Variants in CLTB observed in about 807,000 individuals in gnomAD.
CLTB encodes the protein clathrin light chain B, also known as clathrin, light chain (Lcb).
Under a neutral mutation model 30.5 loss-of-function variants are expected in CLTB, and 10 were observed. The ratio of observed to expected loss-of-function variants is 0.33; its 90% CI spans 0.20 to 0.56. The LOEUF is 0.56. Among genes scored for constraint, CLTB ranks in the 20% least tolerant of loss-of-function variants. The pLI, the probability that CLTB is intolerant of heterozygous loss-of-function variation, is 0.91. For synonymous variants in CLTB, 102 were observed against 120.3 expected (o/e 0.85, Z 1.00); for missense variants, 261 against 308.3 (o/e 0.85, Z 1.15).
rs569354485 is a variant in CLTB, at chr5:176,414,964, C to G, written c.187+1213G>C. On this transcript the variant is annotated intron_variant, in intron 1 of 5. Coordinates refer to ENST00000310418, the MANE Select transcript of CLTB (RefSeq NM_007097.5). ...GAAGAGCCTTGTAAACATCATTAAC[C>G]AAAATATGTCTATATGTATATATGT... 7.2e-5 allele frequency among the ~76,000 whole-genome samples: 11 copies of G among 152,252 alleles called. No individual in the cohort carries two copies. In the South Asian group the frequency reaches 2.3e-3, roughly 32 times the overall value.
intron 5 of CLTB, among the ~76,000 whole-genome samples, chr5:176,394,764 G>A (rs1047216813): frequency 6.6e-6 from 1 of 151,940 alleles, no homozygotes; most frequent in Non-Finnish European, 1.5e-5. Flanking sequence ...GCAGTGAGCT[G>A]AGATCATGCC....
chr5:176,403,829 T>TG (rs2113656627), intron 2 of CLTB, among the ~76,000 whole-genome samples: 1 of 152,296 alleles, frequency 6.6e-6, no homozygotes, highest in Non-Finnish European at 1.5e-5. Flanking sequence ...GCGTGATCTC[T>TG]GCTCGCTGAA....
intron 5 of CLTB, among the ~76,000 whole-genome samples, chr5:176,396,028 G>T (rs373975853): frequency 6.6e-6 from 1 of 152,076 alleles, no homozygotes; most frequent in Non-Finnish European, 1.5e-5. Context: ...TCAGCTACTC[G>T]GGAGGCTGAG....
chr5:176,410,757 C>T (rs1026321323), intron 1 of CLTB, among the ~76,000 whole-genome samples: 5 of 117,786 alleles, frequency 4.2e-5, no homozygotes, highest in African/African-American at 1.1e-4. Flanking sequence ...GAGGGGCCTA[C>T]GCGTCTCTGC....
intron 2 of CLTB, among the ~76,000 whole-genome samples, chr5:176,407,111 G>A (rs1218949476): frequency 6.6e-6 from 1 of 152,130 alleles, no homozygotes; most frequent in Non-Finnish European, 1.5e-5. Flanking sequence ...TGGAAAGGAG[G>A]CCCCGGGCTC....
At position 176,396,920 on chromosome 5, in the gene CLTB, ACC is replaced by A. The variant is rs199705248; in HGVS notation, c.465-390_465-389del. ...TAATACATCACATTTTTTTCTTCGT[ACC>A]CAGGTCTAGAATGCCCCCCTACCTC... On this transcript the variant is annotated intron_variant, in intron 4 of 5. Coordinates refer to ENST00000310418, the MANE Select transcript of CLTB (RefSeq NM_007097.5). 4.1e-3 allele frequency among the ~76,000 whole-genome samples: 619 copies of A among 151,610 alleles called. 3 individuals carry two copies. The highest frequency in any genetic ancestry group is 0.014 in the African/African-American group (583 of 41,262).
In CLTB at chr5:176,397,910, C is replaced by T. The variant is rs748062085; in HGVS notation, c.352+20G>A. ...CACACACAGCCCACCCAGCCAACCC[C>T]GCCTCAGCCCCGCCCTCACCCAGCT... is the stretch of plus-strand genomic sequence containing the variant. On this transcript the variant is annotated intron_variant, in intron 3 of 5. Coordinates refer to ENST00000310418, the MANE Select transcript of CLTB (RefSeq NM_007097.5). 7.5e-6 allele frequency: 12 copies of T among 1,607,956 alleles called. No homozygotes were observed. Among genetic ancestry groups the T allele is most frequent in the Middle Eastern group, 1.7e-4 (1 of 6,056 alleles).
At chr5:176,397,802 G>T in intron 3 of CLTB, 84 bp from the exon 4 acceptor site, 2 of 1,511,604 alleles carry the variant, frequency 1.3e-6, no homozygotes, top group Non-Finnish European at 9.2e-7. Context: ...CCCCTGCCAG[G>T]CAGCCACAGG....
intron 2 of CLTB, among the ~76,000 whole-genome samples, chr5:176,400,931 GGC>G (rs975333997): frequency 2.1e-4 from 32 of 152,172 alleles, no homozygotes; most frequent in African/African-American, 7.5e-4. Flanking sequence ...GGAACATCAG[GGC>G]TACAGTCTCC....
intron 1 of CLTB, among the ~76,000 whole-genome samples, chr5:176,410,978 G>A (rs1581447050): frequency 1.3e-5 from 2 of 152,110 alleles, no homozygotes; most frequent in African/African-American, 4.8e-5. Flanking sequence ...ATTCACAGTT[G>A]CCCTCCACTC....
chr5:176,416,141 G>A (rs1757679403), intron 1 of CLTB, 36 bp downstream of exon 1: 1 of 1,480,710 alleles, frequency 6.8e-7, no homozygotes, highest in East Asian at 2.7e-5. Context: ...CCGGGTGCGC[G>A]CCCTGAGCCC....
At position 176,403,594 on chromosome 5, in the gene CLTB, C is replaced by T. The variant is rs180740127; in HGVS notation, c.235-5547G>A. Among the ~76,000 whole-genome samples the T allele has an allele frequency of 4.7e-3, 714 of 151,906 alleles. 6 individuals carry two copies. The highest frequency in any genetic ancestry group is 0.016 in the African/African-American group (676 of 41,414). On this transcript the variant is annotated intron_variant, in intron 2 of 5. Coordinates refer to ENST00000310418, the MANE Select transcript of CLTB (RefSeq NM_007097.5). ...TCAGCCTCCCCAGTTGCTGAGATTA[C>T]AGGCGCCCACGACCACGCCTGGTTA... is the stretch of plus-strand genomic sequence containing the variant.
chr5:176,401,434 G>T (rs1756810842), intron 2 of CLTB, among the ~76,000 whole-genome samples: 2 of 152,210 alleles, frequency 1.3e-5, no homozygotes, highest in African/African-American at 4.8e-5. Flanking sequence ...CTTTCTCTGT[G>T]CCAGCCCATG....
chr5:176,400,695 T>A (rs1372370600), intron 2 of CLTB, among the ~76,000 whole-genome samples: 1 of 152,108 alleles, frequency 6.6e-6, no homozygotes, highest in Non-Finnish European at 1.5e-5. Context: ...CCAGCAATAG[T>A]CTCCCCTCCC....
intron 2 of CLTB, among the ~76,000 whole-genome samples, chr5:176,405,302 A>C (rs1489756289): frequency 6.6e-6 from 1 of 152,054 alleles, no homozygotes; most frequent in East Asian, 1.9e-4. Context: ...CAGCCTGGCC[A>C]ATATAGCGAG....
intron 1 of CLTB, 46 bp downstream of exon 1, chr5:176,416,131 C>T (rs1317256715): frequency 2.1e-6 from 3 of 1,458,924 alleles, no homozygotes; most frequent in Non-Finnish European, 1.8e-6. Flanking sequence ...CCGGGGTCCC[C>T]CGGGTGCGCG....
At chr5:176,411,292 A>T (rs1486954894) in intron 1 of CLTB, among the ~76,000 whole-genome samples, 12 of 152,172 alleles carry the variant, frequency 7.9e-5, no homozygotes, top group Non-Finnish European at 5.9e-5. Flanking sequence ...GACAGTCTGT[A>T]AAACATGCAC....
At chr5:176,401,666 GTCAC>G (rs1469369448) in intron 2 of CLTB, 6 of 451,144 alleles carry the variant, frequency 1.3e-5, no homozygotes, top group Admixed American at 9.5e-5. Flanking sequence ...TCCTGCAATC[GTCAC>G]TCACTCGCTC....
At chr5:176,406,324 T>A in intron 2 of CLTB, 1 of 1,075,174 alleles carries the variant, frequency 9.3e-7, no homozygotes, top group South Asian at 2.5e-5. Flanking sequence ...CAGGCTTGTC[T>A]CAGTCTAGCT....
Sources: gnomAD v4.1 joint callset for allele counts (sites outside exome capture counted in the v4.1 genomes callset) on GRCh38, gnomAD v4.1.1 for gene constraint, MANE v1.5 for transcripts, NCBI Gene and HGNC (gene_info 2026-07-23, HGNC 2026-07-21) for gene names.